Variants in EDIL3 observed in about 807,000 individuals in gnomAD.
EDIL3 encodes the protein EGF like and discoidin domains 3.
Under a neutral mutation model 67.4 loss-of-function variants are expected in EDIL3, and 37 were observed. The ratio of observed to expected loss-of-function variants is 0.55; its 90% confidence interval spans 0.42 to 0.72. EDIL3 has a LOEUF of 0.72. EDIL3 is among the 30% of genes least tolerant of loss of function. EDIL3 has a pLI of 0.00. For missense variants in EDIL3, 527 were observed against 586.3 expected (o/e 0.90, Z 1.04); for synonymous variants, 195 against 196.3 (o/e 0.99, Z 0.05).
rs533507475 is a variant in EDIL3, at chr5:84,017,091, G to C, written c.1137+43209C>G. On this transcript the variant is annotated intron_variant, in intron 9 of 10. Transcript: ENST00000296591. ...ATATCTGTCCTACAAGTTTTATAACGTTTTTAATGAAGATCAATGCAGAAA... is the reference window on the plus strand; with the variant it reads ...ATATCTGTCCTACAAGTTTTATAACCTTTTTAATGAAGATCAATGCAGAAA... 3.3e-5 allele frequency among the ~76,000 whole-genome samples: 5 copies of C among 152,274 alleles called. No homozygotes were observed. In the East Asian group the frequency reaches 7.7e-4, roughly 24 times the overall value.
Position 84,384,575 on chromosome 5 carries a change from T to A in EDIL3, c.-201A>T. 4.6e-6 allele frequency: 2 copies of A among 432,006 alleles called. No individual in the cohort carries two copies. The highest frequency in any genetic ancestry group is 8.0e-6 in the Non-Finnish European group (2 of 251,300). The allele number at this position is 432,006 out of a possible 1,614,324, so 26.8% of individuals were successfully genotyped here. ...TAAAGAGAGGAGCCTTTCCTCCCCT[T>A]TTGCCTGCGCTCCGGCGCGCGGAGG... is the stretch of plus-strand genomic sequence containing the variant. On this transcript the variant is annotated 5_prime_UTR_variant, in exon 1 of 11. Coordinates refer to ENST00000296591, the MANE Select transcript of EDIL3 (RefSeq NM_005711.5).
At chr5:84,020,315 A>C (rs1388888977) in intron 9 of EDIL3, among the ~76,000 whole-genome samples, 1 of 152,084 alleles carries the variant, frequency 6.6e-6, no homozygotes, top group African/African-American at 2.4e-5. Context: ...CCCAAAGGAA[A>C]TATGGATTAA....
At chr5:83,995,352 C>A in intron 9 of EDIL3, among the ~76,000 whole-genome samples, 1 of 152,156 alleles carries the variant, frequency 6.6e-6, no homozygotes, top group Non-Finnish European at 1.5e-5. Context: ...AAGAACTAAG[C>A]GAAGGCATTT....
At chr5:83,946,431 A>T (rs1225066483) in intron 10 of EDIL3, among the ~76,000 whole-genome samples, 1 of 151,856 alleles carries the variant, frequency 6.6e-6, no homozygotes, top group Admixed American at 6.6e-5. Flanking sequence ...CATAATTACA[A>T]CCTAAGAGAA....
chr5:84,050,411 G>A (rs1405752522), intron 9 of EDIL3, among the ~76,000 whole-genome samples: 1 of 152,162 alleles, frequency 6.6e-6, no homozygotes, highest in African/African-American at 2.4e-5. Flanking sequence ...AGTGATTTCT[G>A]CATTTCCAAC....
intron 6 of EDIL3, among the ~76,000 whole-genome samples, chr5:84,068,800 A>G (rs1278789942): frequency 6.6e-6 from 1 of 152,174 alleles, no homozygotes; most frequent in Non-Finnish European, 1.5e-5. Flanking sequence ...TTAAGCTTGG[A>G]AAATAATTCA....
At chr5:84,056,142 A>G (rs1450923024) in intron 9 of EDIL3, among the ~76,000 whole-genome samples, 1 of 152,344 alleles carries the variant, frequency 6.6e-6, no homozygotes, top group Non-Finnish European at 1.5e-5. Context: ...CTAGGCAGCC[A>G]TAAAAAATGA....
chr5:84,338,110 TTACTAA>T (rs1324809774), intron 1 of EDIL3, among the ~76,000 whole-genome samples: 8 of 152,262 alleles, frequency 5.3e-5, no homozygotes, highest in Middle Eastern at 3.4e-3. Context: ...CATATTCTCT[TTACTAA>T]TACTAATACT....
At position 84,372,429 on chromosome 5, in the gene EDIL3, T is replaced by C. The variant is rs77977347; in HGVS notation, c.67+11879A>G. On this transcript the variant is annotated intron_variant, in intron 1 of 10. Coordinates refer to ENST00000296591, the MANE Select transcript of EDIL3 (RefSeq NM_005711.5). ...GTTAATTGTTTTACAGTGAGAACAT[T>C]TGGACAAATGACCCATGGATGGGCA... Among the ~76,000 whole-genome samples, 1,264 of 152,156 alleles carry C rather than the reference T, an allele frequency of 8.3e-3. 7 individuals are homozygous for C. The highest frequency in any genetic ancestry group is 0.014 in the Non-Finnish European group (921 of 68,004).
At chr5:84,214,974 C>T (rs1744198760) in intron 3 of EDIL3, among the ~76,000 whole-genome samples, 1 of 152,144 alleles carries the variant, frequency 6.6e-6, no homozygotes, top group African/African-American at 2.4e-5. Context: ...CCCACCGTGG[C>T]CTCCCAAAAT....
intron 5 of EDIL3, among the ~76,000 whole-genome samples, chr5:84,108,295 TA>T (rs1279489726): frequency 1.3e-5 from 2 of 151,994 alleles, no homozygotes; most frequent in African/African-American, 2.4e-5. Flanking sequence ...ATAAAGAAGA[TA>T]AAAATATATG....
chr5:84,229,407 G>T (rs982793539), intron 3 of EDIL3, among the ~76,000 whole-genome samples: 1 of 152,116 alleles, frequency 6.6e-6, no homozygotes, highest in Non-Finnish European at 1.5e-5. Context: ...CTTAAGCCTA[G>T]TGAATATGAT....
At chr5:84,123,895 T>C (rs865875911) in intron 5 of EDIL3, among the ~76,000 whole-genome samples, 1 of 151,958 alleles carries the variant, frequency 6.6e-6, no homozygotes, top group Non-Finnish European at 1.5e-5. Context: ...AGACCAATAC[T>C]ATGCAGTTTT....
At chr5:84,206,600 G>C (rs1743984520) in intron 3 of EDIL3, among the ~76,000 whole-genome samples, 1 of 152,068 alleles carries the variant, frequency 6.6e-6, no homozygotes, top group African/African-American at 2.4e-5. Context: ...ACAAAAAAGA[G>C]AATTTTAGAC....
intron 4 of EDIL3, among the ~76,000 whole-genome samples, chr5:84,168,091 A>G (rs1346333980): frequency 1.3e-5 from 2 of 152,214 alleles, no homozygotes; most frequent in Admixed American, 1.3e-4. Flanking sequence ...GCTATGGCAT[A>G]ATTGCAAAAT....
At chr5:84,233,907 C>A (rs1744630321) in intron 2 of EDIL3, among the ~76,000 whole-genome samples, 1 of 152,136 alleles carries the variant, frequency 6.6e-6, no homozygotes, top group African/African-American at 2.4e-5. Flanking sequence ...AGGCAGAGTG[C>A]AGAAACAAAG....
chr5:84,208,652 G>A (rs1180124373), intron 3 of EDIL3, among the ~76,000 whole-genome samples: 1 of 127,380 alleles, frequency 7.9e-6, no homozygotes, highest in Non-Finnish European at 1.6e-5. Context: ...GCAGTCCGCA[G>A]TCCGGCCTGG....
chr5:84,281,478 C>T (rs974808579), intron 1 of EDIL3, among the ~76,000 whole-genome samples: 2 of 152,194 alleles, frequency 1.3e-5, no homozygotes, highest in African/African-American at 4.8e-5. Flanking sequence ...TCCATCTTAT[C>T]CTAATGCCAT....
At chr5:84,333,474 G>C (rs1025675773) in intron 1 of EDIL3, among the ~76,000 whole-genome samples, 1 of 151,952 alleles carries the variant, frequency 6.6e-6, no homozygotes, top group Admixed American at 6.6e-5. Flanking sequence ...AAATTAACAA[G>C]ATCAAAAGCA....
Sources: allele counts gnomAD v4.1 joint callset (sites outside exome capture counted in the v4.1 genomes callset), GRCh38; gene constraint gnomAD v4.1.1; transcripts MANE v1.5; gene names NCBI Gene and HGNC (gene_info 2026-07-23, HGNC 2026-07-21).